The following SACS variants were observed in gnomAD, a reference collection of about 807,000 sequenced individuals.
SACS encodes sacsin.
Under a neutral mutation model 348.0 loss-of-function variants are expected in SACS, and 197 were observed. The ratio of observed to expected loss-of-function variants is 0.57; its 90% confidence interval spans 0.50 to 0.64. SACS has a LOEUF of 0.64. Among genes scored for constraint, SACS ranks in the 30% least tolerant of loss-of-function variants. SACS has a pLI of 0.00. For missense variants in SACS, 4,999 were observed against 5,360.8 expected, an observed-to-expected ratio of 0.93 and a Z score of 2.11; for synonymous variants, 1,985 against 1,910.6, an observed-to-expected ratio of 1.04 and a Z score of -1.02.
In SACS at chr13:23,336,843, T is replaced by G; in HGVS notation, c.7033A>C (p.Ser2345Arg). ...MSIIDKLKPF[S>R]FILVENAYVD... ...TATGCATTCTCAACTAGAATGAAGC[T>G]AAAGGGTTTTAACTTATCAATAATT... The change falls in exon 10 of 10, where the codon AGC becomes CGC. Residue 2345 changes from serine to arginine, a missense_variant. Transcript: ENST00000382292. The G allele has an allele frequency of 6.2e-7, 1 of 1,613,698 alleles. No individual in the cohort carries two copies. The highest frequency in any genetic ancestry group is 8.5e-7 in the Non-Finnish European group (1 of 1,179,766).
In SACS at chr13:23,336,593, A is replaced by T; in HGVS notation, c.7283T>A (p.Ile2428Asn). 6.2e-7 allele frequency: 1 copy of T among 1,613,636 alleles called. No homozygotes were observed. The highest frequency in any genetic ancestry group is 8.5e-7 in the Non-Finnish European group (1 of 1,179,722). Reference sequence around the variant, plus strand: ...AATGAGACTCCATATTCCTTCACTGATTATTCGTCGGCAAAGCTGAAAATT... The same window carrying T: ...AATGAGACTCCATATTCCTTCACTGTTTATTCGTCGGCAAAGCTGAAAATT... ...EENFQLCRRI[I>N]SEGIWSLIRE... Residue 2428 changes from isoleucine (I) to asparagine (N), a missense_variant, in exon 10 of 10, where the codon ATC becomes AAC. This residue lies in a region of SACS where 3,156 missense variants were observed against 3,380.1 expected (regional missense o/e 0.93). Coordinates refer to ENST00000382292, the MANE Select transcript of SACS (RefSeq NM_014363.6).
chr13:23,331,828 A>T lies in SACS; in HGVS notation c.12048T>A (p.Ile4016=). Reference sequence around the variant, plus strand: ...TATCATTTTCATGCTTCATAATTCTAATCAGTCCTGTAATGAACTGTTCAG... The same window carrying T: ...TATCATTTTCATGCTTCATAATTCTTATCAGTCCTGTAATGAACTGTTCAG... The part of the protein sequence containing the change: ...LSSEQFITGL[I]RIMKHENDNA... Residue 4016 remains isoleucine (I), a synonymous_variant, in exon 10 of 10, where the codon ATT becomes ATA. Coordinates refer to ENST00000382292, the MANE Select transcript of SACS (RefSeq NM_014363.6). 1.2e-6 allele frequency: 2 copies of T among 1,614,018 alleles called. No homozygotes were observed. The highest frequency in any genetic ancestry group is 2.7e-5 in the African/African-American group (2 of 75,046).
In SACS at chr13:23,339,985, A is replaced by C. The variant is rs752623195; in HGVS notation, c.3891T>G (p.Asp1297Glu). 1.2e-6 allele frequency: 2 copies of C among 1,613,388 alleles called. No individual in the cohort carries two copies. Among genetic ancestry groups the C allele is most frequent in the Admixed American group, 1.7e-5 (1 of 59,898 alleles). The part of the protein sequence containing the change: ...LAQAVIKPIH[D>E]LDLQPYLHNV... ...TATGCAAATAAGGCTGAAGGTCAAG[A>C]TCATGGATTGGTTTAATCACAGCCT... The change falls in exon 10 of 10, where the codon GAT becomes GAG. Residue 1297 changes from aspartate to glutamate, a missense_variant. This residue lies in a region of SACS where 3,156 missense variants were observed against 3,380.1 expected (regional missense o/e 0.93). Coordinates refer to ENST00000382292, the MANE Select transcript of SACS (RefSeq NM_014363.6).
At chr13:23,383,174 A>C (rs9552937) in intron 2 of SACS, among the ~76,000 whole-genome samples, 62,737 of 151,780 alleles carry the variant, frequency 0.41, 14,596 homozygotes, top group East Asian at 0.58. Flanking sequence ...GCAAGTAATA[A>C]ACGGTGGTCA....
rs190126796 is a variant in SACS at position 23,393,868 on chromosome 13, C to G, written c.20+17352G>C. Among the ~76,000 whole-genome samples, 453 of 152,290 alleles carry G rather than the reference C, an allele frequency of 3.0e-3. 8 individuals carry two copies. Among genetic ancestry groups the G allele is most frequent in the Admixed American group, 0.027 (409 of 15,306 alleles). On this transcript the variant is annotated intron_variant, in intron 2 of 9. Coordinates refer to ENST00000382292, the MANE Select transcript of SACS (RefSeq NM_014363.6). ...CTCCGCCTCCTGGGTTCACACCATT[C>G]TCCTGCCTCAGCCTCCCGAGTAGCT...
intron 2 of SACS, among the ~76,000 whole-genome samples, chr13:23,375,733 G>A (rs1237677041): frequency 6.7e-6 from 1 of 149,832 alleles, no homozygotes; most frequent in Non-Finnish European, 1.5e-5. Context: ...GACAGTTAGC[G>A]AAGGAGCCGC....
intron 2 of SACS, among the ~76,000 whole-genome samples, chr13:23,398,118 G>T (rs2137918187): frequency 6.6e-6 from 1 of 152,170 alleles, no homozygotes; most frequent in Non-Finnish European, 1.5e-5. Flanking sequence ...TTGAACCCAG[G>T]AGGTGGAGGT....
At position 23,411,210 on chromosome 13, in the gene SACS, A is replaced by G; in HGVS notation, c.20+10T>C. On this transcript the variant is annotated intron_variant, in intron 2 of 9. Coordinates refer to ENST00000382292, the MANE Select transcript of SACS (RefSeq NM_014363.6). ...CAAATTATTGTCATTTAAAACATTAACTCATTTACCTGTTCTCCTTGGTCT... is the reference window on the plus strand; with the variant it reads ...CAAATTATTGTCATTTAAAACATTAGCTCATTTACCTGTTCTCCTTGGTCT... 6.3e-7 allele frequency: 1 copy of G among 1,598,568 alleles called. No individual in the cohort carries two copies. The highest frequency in any genetic ancestry group is 8.6e-7 in the Non-Finnish European group (1 of 1,166,246).
At position 23,339,835 on chromosome 13, in the gene SACS, G is replaced by A; in HGVS notation, c.4041C>T (p.Leu1347=). ...GATTTTGTTTGCTTTCTTGTTCACTGAGATCTTGGTCACTTTTGAGATATA... is the reference window on the plus strand; with the variant it reads ...GATTTTGTTTGCTTTCTTGTTCACTAAGATCTTGGTCACTTTTGAGATATA... ...QKIYLKSDQD[L]SEQESKQNLH... The change falls in exon 10 of 10, where the codon CTC becomes CTT. Residue 1347 remains leucine, a synonymous_variant. Coordinates refer to ENST00000382292, the MANE Select transcript of SACS (RefSeq NM_014363.6). The A allele has an allele frequency of 6.2e-7, 1 of 1,613,140 alleles. No individual in the cohort carries two copies. Among genetic ancestry groups the A allele is most frequent in the East Asian group, 2.2e-5 (1 of 44,848 alleles).
intron 2 of SACS, among the ~76,000 whole-genome samples, chr13:23,404,924 GA>G (rs1408596184): frequency 1.3e-5 from 2 of 152,040 alleles, no homozygotes; most frequent in South Asian, 4.1e-4. Flanking sequence ...ACAAACAAAT[GA>G]AAAAACATTC....
chr13:23,342,439 C>T (rs1869328535), intron 9 of SACS, among the ~76,000 whole-genome samples: 1 of 152,080 alleles, frequency 6.6e-6, no homozygotes, highest in Non-Finnish European at 1.5e-5. Context: ...CCAATAAAGG[C>T]TGAGTATCCC....
At chr13:23,385,916 A>G (rs1476096943) in intron 2 of SACS, among the ~76,000 whole-genome samples, 2 of 152,344 alleles carry the variant, frequency 1.3e-5, no homozygotes, top group African/African-American at 4.8e-5. Context: ...GACCAGGTGC[A>G]ATGTCAATAA....
intron 2 of SACS, among the ~76,000 whole-genome samples, chr13:23,385,224 T>G (rs1872241039): frequency 1.3e-5 from 2 of 152,272 alleles, no homozygotes; most frequent in Non-Finnish European, 1.5e-5. Flanking sequence ...GTTCTTGCTG[T>G]TTCCATCACT....
rs1387249809 is a variant in SACS, at chr13:23,341,172, C to A, written c.2704G>T (p.Ala902Ser). Residue 902 changes from alanine to serine, a missense_variant, in exon 10 of 10, where the codon GCC becomes TCC. Transcript: ENST00000382292. Reference protein sequence around the residue: ...ITSLLPTHKDALRKFLASLTD... With the variant: ...ITSLLPTHKDSLRKFLASLTD... ...AAACTAGCCAAGAACTTCCTCAGGGCATCTTTGTGTGTTGGAAGTAGCGAA... is the reference window on the plus strand; with the variant it reads ...AAACTAGCCAAGAACTTCCTCAGGGAATCTTTGTGTGTTGGAAGTAGCGAA... 2 of 1,613,434 alleles carry A rather than the reference C, an allele frequency of 1.2e-6. No individual in the cohort carries two copies. Among genetic ancestry groups the A allele is most frequent in the Middle Eastern group, 1.6e-4 (1 of 6,062 alleles).
At chr13:23,391,515 G>A (rs1250574365) in intron 2 of SACS, among the ~76,000 whole-genome samples, 1 of 152,158 alleles carries the variant, frequency 6.6e-6, no homozygotes, top group African/African-American at 2.4e-5. Flanking sequence ...GCCTGGTTAT[G>A]TCCTTCAGCC....
chr13:23,433,259 A>G (rs1385926287), intron 1 of SACS, among the ~76,000 whole-genome samples: 1 of 152,120 alleles, frequency 6.6e-6, no homozygotes, highest in Non-Finnish European at 1.5e-5. Context: ...CCGGGTGGAA[A>G]TTAAAATGAC....
chr13:23,376,380 C>T (rs867776148), intron 2 of SACS, among the ~76,000 whole-genome samples: 1 of 149,966 alleles, frequency 6.7e-6, no homozygotes, highest in African/African-American at 2.5e-5. Flanking sequence ...ATATATGATA[C>T]ACATTGCAAA....
At chr13:23,368,650 C>T (rs1871199654) in intron 4 of SACS, among the ~76,000 whole-genome samples, 163 bp from the exon 5 acceptor site, 1 of 152,196 alleles carries the variant, frequency 6.6e-6, no homozygotes, top group Admixed American at 6.5e-5. Flanking sequence ...AGCAATTCAG[C>T]AGAAAGTAAA....
intron 2 of SACS, among the ~76,000 whole-genome samples, chr13:23,392,976 CACAG>C (rs1872585866): frequency 6.6e-6 from 1 of 152,150 alleles, no homozygotes; most frequent in African/African-American, 2.4e-5. Flanking sequence ...ACACAATAAG[CACAG>C]ACATCGGGAG....
Sources: gnomAD v4.1 joint callset for allele counts (sites outside exome capture counted in the v4.1 genomes callset) on GRCh38, gnomAD v4.1.1 for gene constraint, gnomAD v4.1.1 regional missense constraint, MANE v1.5 for transcripts, NCBI Gene and HGNC (gene_info 2026-07-23, HGNC 2026-07-21) for gene names.